Variants in ZSCAN25 observed in about 807,000 individuals in gnomAD.
The protein encoded by ZSCAN25 is zinc finger and SCAN domain containing 25.
In ZSCAN25, 27 loss-of-function variants were observed where a neutral mutation model predicts 38.7. The ratio of observed to expected loss-of-function variants is 0.70; its 90% CI spans 0.51 to 0.96. The LOEUF (loss-of-function observed/expected upper bound fraction) is 0.96. Among genes scored for constraint, ZSCAN25 ranks in the 40% least tolerant of loss-of-function variants. ZSCAN25 has a pLI of 0.00. For synonymous variants in ZSCAN25, 273 were observed against 277.7 expected, an observed-to-expected ratio of 0.98 and a Z score of 0.17; for missense variants, 637 against 705.9, an observed-to-expected ratio of 0.90 and a Z score of 1.11.
the ZSCAN25 span, chr7:99,672,892 T>C: frequency 2.2e-6 from 3 of 1,375,656 alleles, no homozygotes; most frequent in African/African-American, 4.4e-5. Context: ...TGAAGGGTAA[T>C]GTGGTCCAAA....
chr7:99,638,221 G>C, the ZSCAN25 span: 2 of 1,509,396 alleles, frequency 1.3e-6, no homozygotes, highest in Non-Finnish European at 8.9e-7. Context: ...CCTTCCAGGG[G>C]ATGGGTGGAG....
chr7:99,699,446 TGA>T, the ZSCAN25 span, among the ~76,000 whole-genome samples: 1 of 152,018 alleles, frequency 6.6e-6, no homozygotes, highest in African/African-American at 2.4e-5. Flanking sequence ...GTTATGTAAA[TGA>T]TATCCTGGGG....
At chr7:99,675,478 A>G in the ZSCAN25 span, among the ~76,000 whole-genome samples, 2 of 152,014 alleles carry the variant, frequency 1.3e-5, no homozygotes, top group African/African-American at 4.8e-5. Flanking sequence ...CTCCAGGTAC[A>G]CAGGATAGGA....
At chr7:99,724,802 C>T in the ZSCAN25 span, among the ~76,000 whole-genome samples, 5 of 152,138 alleles carry the variant, frequency 3.3e-5, no homozygotes, top group East Asian at 5.8e-4. Context: ...GATCAGTCAG[C>T]GTTTAGGCTC....
chr7:99,708,243 A>G, the ZSCAN25 span, among the ~76,000 whole-genome samples: 295 of 152,308 alleles, frequency 1.9e-3, no homozygotes, highest in Non-Finnish European at 3.4e-3. Flanking sequence ...AAACACTCAA[A>G]TTATAGTCAG....
chr7:99,663,897 C>A, the ZSCAN25 span: 1 of 1,502,808 alleles, frequency 6.7e-7, no homozygotes, highest in South Asian at 1.4e-5. Context: ...CAGATACATG[C>A]TCTATCATGT....
chr7:99,675,563 C>G, the ZSCAN25 span, among the ~76,000 whole-genome samples: 1 of 149,582 alleles, frequency 6.7e-6, no homozygotes, highest in African/African-American at 2.5e-5. Context: ...CAGGGGTAAA[C>G]CTGGCCATGC....
the ZSCAN25 span, chr7:99,731,054 C>T: frequency 6.2e-7 from 1 of 1,613,734 alleles, no homozygotes; most frequent in Non-Finnish European, 8.5e-7. Context: ...CTCAAAAACA[C>T]TCACCTTACG....
At chr7:99,623,353 G>C (rs1807168025) in intron 6 of ZSCAN25, among the ~76,000 whole-genome samples, 1 of 152,318 alleles carries the variant, frequency 6.6e-6, no homozygotes, top group South Asian at 2.1e-4. Context: ...GTTGGACCTC[G>C]TTAACATTAC....
chr7:99,638,595 G>T, the ZSCAN25 span: 1 of 1,580,836 alleles, frequency 6.3e-7, no homozygotes, highest in South Asian at 1.1e-5. Context: ...TGTTGAACTT[G>T]ACATTTTTGT....
chr7:99,729,499 G>T, the ZSCAN25 span, among the ~76,000 whole-genome samples: 1 of 152,170 alleles, frequency 6.6e-6, no homozygotes, highest in Non-Finnish European at 1.5e-5. Flanking sequence ...AATATAAAAA[G>T]ACAGGAATGT....
the ZSCAN25 span, among the ~76,000 whole-genome samples, chr7:99,737,145 G>A: frequency 6.6e-6 from 1 of 152,062 alleles, no homozygotes; most frequent in Non-Finnish European, 1.5e-5. Flanking sequence ...ACATTAAATA[G>A]GGCCATGCTA....
chr7:99,694,199 G>A, the ZSCAN25 span, among the ~76,000 whole-genome samples: 1 of 152,208 alleles, frequency 6.6e-6, no homozygotes, highest in Non-Finnish European at 1.5e-5. Context: ...GAGGGAAAGA[G>A]AGTGAGTGTC....
chr7:99,652,317 A>C, the ZSCAN25 span: 1 of 335,944 alleles, frequency 3.0e-6, no homozygotes, highest in Non-Finnish European at 5.4e-6. Flanking sequence ...GCGTAGAAAA[A>C]TGCCCACAGG....
At chr7:99,724,913 C>G in the ZSCAN25 span, among the ~76,000 whole-genome samples, 105 of 152,272 alleles carry the variant, frequency 6.9e-4, no homozygotes, top group South Asian at 2.9e-3. Flanking sequence ...GACCTCCCCC[C>G]TCTCCCCAGA....
the ZSCAN25 span, among the ~76,000 whole-genome samples, chr7:99,709,766 TTA>T: frequency 9.3e-6 from 1 of 106,996 alleles, no homozygotes; most frequent in African/African-American, 2.8e-5. Flanking sequence ...AGGATTTGTA[TTA>T]TATATATGTG....
chr7:99,695,590 G>A, the ZSCAN25 span, among the ~76,000 whole-genome samples: 18 of 152,060 alleles, frequency 1.2e-4, no homozygotes, highest in Non-Finnish European at 2.1e-4. Context: ...AGAGAGTCCC[G>A]GGGTAAACCT....
chr7:99,629,828 T>A lies in ZSCAN25; in HGVS notation c.1443T>A (p.Thr481=). 1.2e-6 allele frequency: 2 copies of A among 1,614,182 alleles called. No homozygotes were observed. The highest frequency in any genetic ancestry group is 1.7e-6 in the Non-Finnish European group (2 of 1,180,024). The part of the protein sequence containing the change: ...ANLAVHRRAH[T]GEKPYGCQVC... ...TGGCGGTGCACCGGCGTGCCCACAC[T>A]GGCGAGAAGCCATATGGGTGCCAGG... The change falls in exon 8 of 8, where the codon ACT becomes ACA. Residue 481 remains threonine, a synonymous_variant. Coordinates refer to ENST00000394152, the MANE Select transcript of ZSCAN25 (RefSeq NM_145115.3). This position sits in a 1 kb window ranked among gnomAD's most constrained non-coding sequence, Gnocchi z 5.6.
chr7:99,648,827 A>G, the ZSCAN25 span, among the ~76,000 whole-genome samples: 1 of 152,160 alleles, frequency 6.6e-6, no homozygotes, highest in Non-Finnish European at 1.5e-5. Flanking sequence ...GTACAGTTTA[A>G]TTATGTGGGC....
Sources: gnomAD v4.1 joint callset for allele counts (sites outside exome capture counted in the v4.1 genomes callset) on GRCh38, gnomAD v4.1.1 for gene constraint, Gnocchi (gnomAD v3.1) non-coding constraint, MANE v1.5 for transcripts, NCBI Gene and HGNC (gene_info 2026-07-23, HGNC 2026-07-21) for gene names.